Variants in LMO7 observed in about 807,000 individuals in gnomAD.
LMO7 encodes LIM domain only protein 7.
Under a neutral mutation model 206.5 loss-of-function variants are expected in LMO7, and 120 were observed. The observed-to-expected ratio is 0.58, with a 90% CI of 0.50 to 0.68. LMO7 has a LOEUF of 0.68. Among genes scored for constraint, LMO7 ranks in the 30% least tolerant of loss-of-function variants. LMO7 has a pLI of 0.00. For missense variants in LMO7, 1,959 were observed against 1,957.9 expected (o/e 1.00, Z -0.01); for synonymous variants, 706 against 681.5 (o/e 1.04, Z -0.56).
At chr13:75,653,702 T>G (rs529283999) in intron 1 of LMO7, among the ~76,000 whole-genome samples, 1 of 152,310 alleles carries the variant, frequency 6.6e-6, no homozygotes, top group Admixed American at 6.5e-5. Flanking sequence ...CTGTAGTGGC[T>G]CAGGTATTTT....
chr13:75,826,618 A>G (rs963429463), intron 15 of LMO7, among the ~76,000 whole-genome samples: 1 of 152,162 alleles, frequency 6.6e-6, no homozygotes, highest in African/African-American at 2.4e-5. Flanking sequence ...CTATGTGCCA[A>G]CCAGGCTTCT....
intron 1 of LMO7, among the ~76,000 whole-genome samples, chr13:75,650,054 C>G (rs2037407550): frequency 6.6e-6 from 1 of 152,138 alleles, no homozygotes. Flanking sequence ...CCAGGCTGGT[C>G]TCAAGTAGTC....
chr13:75,636,405 G>A lies in LMO7; in HGVS notation c.-253G>A, dbSNP rs1246239230. 7.5e-7 allele frequency: 1 copy of A among 1,325,216 alleles called. No homozygotes were observed. 82.1% of individuals were successfully genotyped at this position (1,325,216 alleles called of 1,614,324 possible). On this transcript the variant is annotated 5_prime_UTR_variant, in exon 1 of 31. Coordinates refer to ENST00000377534, the MANE Select transcript of LMO7 (RefSeq NM_001306080.2). ...CTTCCCGCGTCCTGCCTGACTGCCC[G>A]GGTCCCCGCGGGCCTTGGGTCGCTT...
At position 75,853,298 on chromosome 13, in the gene LMO7, C is replaced by T. The variant is rs762032756; in HGVS notation, c.4571C>T (p.Thr1524Ile). The change falls in exon 28 of 31, where the codon ACC becomes ATC. Residue 1524 changes from threonine to isoleucine, a missense_variant. By Grantham distance (89) the Thr-to-Ile change is moderately conservative. Coordinates refer to ENST00000377534, the MANE Select transcript of LMO7 (RefSeq NM_001306080.2). ...CCACCTTCAGCTGGCTCCGTGAAGA[C>T]CTCCACCACAGGTGTGGCCACCACA... is the stretch of plus-strand genomic sequence containing the variant. ...VPPPSAGSVK[T>I]STTGVATTQS... The T allele has an allele frequency of 3.1e-6, 5 of 1,614,110 alleles. No individual in the cohort carries two copies. In the East Asian group the frequency reaches 8.9e-5, roughly 29 times the overall value.
chr13:75,850,224 A>G (rs976087173), intron 27 of LMO7, among the ~76,000 whole-genome samples: 1 of 152,258 alleles, frequency 6.6e-6, no homozygotes, highest in Admixed American at 6.5e-5. Context: ...ACAATAATGT[A>G]TCTCTTTTGC....
chr13:75,677,005 T>G (rs1266600032), intron 1 of LMO7, among the ~76,000 whole-genome samples: 1 of 152,214 alleles, frequency 6.6e-6, no homozygotes, highest in Non-Finnish European at 1.5e-5. Context: ...TTTGAACAAC[T>G]TTTCTTTTTT....
chr13:75,641,561 CTT>C (rs1209896678), intron 1 of LMO7, among the ~76,000 whole-genome samples: 8 of 152,188 alleles, frequency 5.3e-5, no homozygotes, highest in Non-Finnish European at 8.8e-5. Flanking sequence ...AGCATCCACT[CTT>C]TGATTTCTAG....
intron 1 of LMO7, among the ~76,000 whole-genome samples, chr13:75,645,543 A>G (rs1328876110): frequency 6.6e-6 from 1 of 152,190 alleles, no homozygotes; most frequent in Non-Finnish European, 1.5e-5. Context: ...AATTAAATAA[A>G]TAAAGGAAGT....
chr13:75,818,888 C>T (rs1007180492), intron 12 of LMO7, among the ~76,000 whole-genome samples: 2 of 152,162 alleles, frequency 1.3e-5, no homozygotes, highest in Admixed American at 6.5e-5. Flanking sequence ...GAACAGTGCC[C>T]TATGCATGTG....
intron 19 of LMO7, among the ~76,000 whole-genome samples, 185 bp downstream of exon 19, chr13:75,836,642 T>A (rs888695853): frequency 6.6e-6 from 1 of 152,178 alleles, no homozygotes; most frequent in African/African-American, 2.4e-5. Flanking sequence ...CAGTGCTGAA[T>A]AGTTCAGGCA....
At chr13:75,639,847 C>G (rs2036346626) in intron 1 of LMO7, among the ~76,000 whole-genome samples, 2 of 152,162 alleles carry the variant, frequency 1.3e-5, no homozygotes, top group Admixed American at 6.5e-5. Flanking sequence ...CACCACCTTT[C>G]TGCTCACCTG....
At chr13:75,836,202 C>T (rs1184708950) in intron 18 of LMO7, among the ~76,000 whole-genome samples, 195 bp from the exon 19 acceptor site, 14 of 152,126 alleles carry the variant, frequency 9.2e-5, no homozygotes, top group Non-Finnish European at 2.1e-4. Context: ...TGCAGCTGGT[C>T]ATTAATTCTG....
chr13:75,675,530 TCTC>T (rs1225767816), intron 1 of LMO7, among the ~76,000 whole-genome samples: 1 of 152,252 alleles, frequency 6.6e-6, no homozygotes, highest in Non-Finnish European at 1.5e-5. Context: ...CACATTTTTT[TCTC>T]CTCCTCTTAG....
intron 1 of LMO7, 42 bp downstream of exon 1, chr13:75,636,768 G>A: frequency 6.4e-7 from 1 of 1,567,138 alleles, no homozygotes. Context: ...GGTGTTGACT[G>A]CCTCGGGGCG....
chr13:75,632,848 C>T (rs548931514), upstream of LMO7, among the ~76,000 whole-genome samples: 1 of 110,130 alleles, frequency 9.1e-6, no homozygotes, highest in African/African-American at 3.4e-5. Flanking sequence ...GAGGTATTCA[C>T]TAATTACTTA....
chr13:75,706,101 G>T (rs901697146), intron 1 of LMO7, among the ~76,000 whole-genome samples: 1 of 152,144 alleles, frequency 6.6e-6, no homozygotes, highest in Non-Finnish European at 1.5e-5. Context: ...CCTTTGAGAT[G>T]GGTACATTTA....
At chr13:75,725,489 G>A (rs532846952) in intron 2 of LMO7, among the ~76,000 whole-genome samples, 62 of 152,184 alleles carry the variant, frequency 4.1e-4, no homozygotes, top group Admixed American at 3.3e-3. Flanking sequence ...GTTCTTCTAT[G>A]CATTGCAAGA....
In LMO7 at chr13:75,807,803, T is replaced by G. The variant is rs763536299; in HGVS notation, c.1520T>G (p.Leu507Arg). The G allele has an allele frequency of 1.2e-6, 2 of 1,613,828 alleles. No homozygotes were observed. The highest frequency in any genetic ancestry group is 2.7e-5 in the African/African-American group (2 of 74,968). ...ATTTTACAGTGTAGAGAAGGTGAACTTGTACTTCCGGATTTGGAAAAAGAT... is the reference window on the plus strand; with the variant it reads ...ATTTTACAGTGTAGAGAAGGTGAACGTGTACTTCCGGATTTGGAAAAAGAT... The part of the protein sequence containing the change: ...DIILQCREGE[L>R]VLPDLEKDDM... Residue 507 changes from leucine (L) to arginine (R), a missense_variant, in exon 10 of 31, where the codon CTT becomes CGT. Leu to Arg is a moderately radical substitution (Grantham distance 102). Transcript: ENST00000377534.
At chr13:75,678,468 C>T (rs1345444427) in intron 1 of LMO7, among the ~76,000 whole-genome samples, 1 of 152,166 alleles carries the variant, frequency 6.6e-6, no homozygotes, top group Non-Finnish European at 1.5e-5. Context: ...TATCCTTCGC[C>T]CTGTCCTATA....
Sources: allele counts gnomAD v4.1 joint callset (sites outside exome capture counted in the v4.1 genomes callset), GRCh38; gene constraint gnomAD v4.1.1; transcripts MANE v1.5; gene names NCBI Gene and HGNC (gene_info 2026-07-23, HGNC 2026-07-21).